The following EFHC1 variants were observed in gnomAD, a reference collection of about 807,000 sequenced individuals.
EFHC1 encodes the protein EF-hand domain-containing protein 1.
A neutral mutation model predicts 69.9 loss-of-function variants in EFHC1; 53 were observed. The observed-to-expected ratio is 0.76, with a 90% CI of 0.61 to 0.95. The LOEUF is 0.95. Among genes scored for constraint, EFHC1 ranks in the 40% least tolerant of loss-of-function variants. The pLI, the probability that EFHC1 is intolerant of heterozygous loss-of-function variation, is 0.00. For synonymous variants in EFHC1, 256 were observed against 278.4 expected (o/e 0.92, Z 0.80); for missense variants, 739 against 798.7 (o/e 0.93, Z 0.90).
intron 2 of EFHC1, among the ~76,000 whole-genome samples, chr6:52,425,951 C>G (rs1413575396): frequency 6.6e-6 from 1 of 152,134 alleles, no homozygotes; most frequent in East Asian, 1.9e-4. Flanking sequence ...TCATCTTTTC[C>G]CCTTGCTCCT....
intron 1 of EFHC1, chr6:52,421,133 T>G: frequency 1.2e-6 from 1 of 844,878 alleles, no homozygotes; most frequent in Non-Finnish European, 1.4e-6. Flanking sequence ...CTTCTACATT[T>G]TCCACAATTT....
At chr6:52,477,990 G>A (rs1765579682) in intron 7 of EFHC1, among the ~76,000 whole-genome samples, 2 of 151,904 alleles carry the variant, frequency 1.3e-5, no homozygotes. Context: ...TGTTTATTGC[G>A]GCATTATTCA....
chr6:52,469,304 CT>C (rs747718409), intron 6 of EFHC1, 28 bp from the exon 7 acceptor site: 392 of 1,613,350 alleles, frequency 2.4e-4, no homozygotes, highest in Non-Finnish European at 3.2e-4. Flanking sequence ...TAGTATCTGC[CT>C]TACTTCTTGC....
chr6:52,436,162 C>G (rs1488924418), intron 2 of EFHC1, among the ~76,000 whole-genome samples: 1 of 152,152 alleles, frequency 6.6e-6, no homozygotes, highest in Non-Finnish European at 1.5e-5. Flanking sequence ...CCTTTCAGTT[C>G]TTTGCAGTTG....
rs1370687396 is a variant in EFHC1 at position 52,495,004 on chromosome 6, T to G, written c.*2663T>G. The G allele has an allele frequency of 2.2e-6, 1 of 454,092 alleles. No homozygotes were observed. Among genetic ancestry groups the G allele is most frequent in the East Asian group, 6.9e-5 (1 of 14,390 alleles). 28.1% of individuals were successfully genotyped at this position (454,092 alleles called of 1,614,324 possible). ...TCAGAGCCCCGTTTTGGTGAGTTCT[T>G]AGAACTCTTTCCAACCGGAAACTGC... On this transcript the variant is annotated 3_prime_UTR_variant, in exon 11 of 11. Coordinates refer to ENST00000371068, the MANE Select transcript of EFHC1 (RefSeq NM_018100.4).
rs1418096647 is a variant in EFHC1 at position 52,494,737 on chromosome 6, A to G, written c.*2396A>G. 1 of 453,706 alleles carries G rather than the reference A, an allele frequency of 2.2e-6. No homozygotes were observed. Among genetic ancestry groups the G allele is most frequent in the African/African-American group, 2.0e-5 (1 of 49,916 alleles). 28.1% of individuals were successfully genotyped at this position (453,706 alleles called of 1,614,324 possible). ...GTAGTCCCCAGTGTCTATTGTTCCC[A>G]TCATTATGTCTATGTGTATTCAATG... is the stretch of plus-strand genomic sequence containing the variant. On this transcript the variant is annotated 3_prime_UTR_variant, in exon 11 of 11. Coordinates refer to ENST00000371068, the MANE Select transcript of EFHC1 (RefSeq NM_018100.4).
rs770015476 is a variant in EFHC1, at chr6:52,494,442, A to T, written c.*2101A>T. The T allele has an allele frequency of 1.1e-5, 5 of 454,064 alleles. No homozygotes were observed. The highest frequency in any genetic ancestry group is 7.8e-5 in the South Asian group (5 of 64,472). 28.1% of individuals were successfully genotyped at this position (454,064 alleles called of 1,614,324 possible). A position where few individuals can be genotyped will look rare whatever the true frequency, so the allele number is the denominator to read the frequency against. On this transcript the variant is annotated 3_prime_UTR_variant, in exon 11 of 11. Transcript: ENST00000371068. ...TCAGCCATGCTGCTGTTTCTAGCCCATGTAGGCTCTGGGAAAGGTTAAGCG... is the reference window on the plus strand; with the variant it reads ...TCAGCCATGCTGCTGTTTCTAGCCCTTGTAGGCTCTGGGAAAGGTTAAGCG...
chr6:52,473,477 C>T (rs1218784110), intron 7 of EFHC1, among the ~76,000 whole-genome samples: 1 of 151,934 alleles, frequency 6.6e-6, no homozygotes, highest in Admixed American at 6.6e-5. Flanking sequence ...AAAAACCAGT[C>T]ATGTTTTAAA....
chr6:52,436,604 A>G (rs1259914506), intron 2 of EFHC1, among the ~76,000 whole-genome samples: 1 of 152,162 alleles, frequency 6.6e-6, no homozygotes, highest in Non-Finnish European at 1.5e-5. Context: ...ATCCCAAAGC[A>G]TGTTAACATA....
At chr6:52,431,169 TG>T (rs1387888882) in intron 2 of EFHC1, among the ~76,000 whole-genome samples, 44 of 152,140 alleles carry the variant, frequency 2.9e-4, no homozygotes, top group African/African-American at 1.0e-3. Flanking sequence ...ATTTATCTTT[TG>T]TTTTTTTTGT....
Position 52,495,200 on chromosome 6 carries a change from G to A in EFHC1, c.*2859G>A, listed in dbSNP as rs1321643357. The A allele has an allele frequency of 6.6e-6, 3 of 454,112 alleles. No homozygotes were observed. In the Admixed American group the frequency reaches 7.0e-5, roughly 11 times the overall value. The allele number at this position is 454,112 out of a possible 1,614,324, so 28.1% of individuals were successfully genotyped here. A position where few individuals can be genotyped will look rare whatever the true frequency, so the allele number is the denominator to read the frequency against. On this transcript the variant is annotated 3_prime_UTR_variant, in exon 11 of 11. Coordinates refer to ENST00000371068, the MANE Select transcript of EFHC1 (RefSeq NM_018100.4). The stretch of plus-strand genomic sequence containing the variant: ...TCTCACCCAGATGGCTCTCTTGGCT[G>A]TGTAATTAGGCAGCTCAATCCCTTT...
At chr6:52,427,661 T>C (rs183376193) in intron 2 of EFHC1, among the ~76,000 whole-genome samples, 101 of 151,818 alleles carry the variant, frequency 6.7e-4, no homozygotes, top group Admixed American at 9.2e-4. Context: ...TAAGGACTTA[T>C]ATAGTTTATT....
At chr6:52,467,172 G>A (rs151097485) in intron 6 of EFHC1, among the ~76,000 whole-genome samples, 1,780 of 150,362 alleles carry the variant, frequency 0.012, 27 homozygotes, top group Non-Finnish European at 0.016. Flanking sequence ...CTTGGTGAAA[G>A]GACTTTGACT....
intron 3 of EFHC1, among the ~76,000 whole-genome samples, chr6:52,439,935 G>A (rs1415689127): frequency 6.6e-6 from 1 of 152,078 alleles, no homozygotes; most frequent in Non-Finnish European, 1.5e-5. Flanking sequence ...ATGATAAAAT[G>A]TTATCTAAAC....
At chr6:52,424,995 C>A (rs971662605) in intron 2 of EFHC1, among the ~76,000 whole-genome samples, 1 of 152,010 alleles carries the variant, frequency 6.6e-6, no homozygotes, top group Non-Finnish European at 1.5e-5. Flanking sequence ...TTTATTATTC[C>A]TGTTAAATGT....
intron 3 of EFHC1, among the ~76,000 whole-genome samples, chr6:52,448,840 C>A (rs1764851280): frequency 6.6e-6 from 1 of 152,108 alleles, no homozygotes; most frequent in South Asian, 2.1e-4. Flanking sequence ...TATGTTGAAC[C>A]AACTTTGCAT....
At position 52,492,487 on chromosome 6, in the gene EFHC1, TA is replaced by T. The variant is rs769261756; in HGVS notation, c.*149del. On this transcript the variant is annotated 3_prime_UTR_variant, in exon 11 of 11. Transcript: ENST00000371068. ...CTTTCACTCCTACTGAAGTCGAAAC[TA>T]AATTGGATCTAATAGGATCTAAGAT... 7.4e-6 allele frequency: 6 copies of T among 807,456 alleles called. No homozygotes were observed. In the South Asian group the frequency reaches 8.7e-5, roughly 12 times the overall value. The allele number at this position is 807,456 out of a possible 1,614,324, so 50.0% of individuals were successfully genotyped here.
intron 5 of EFHC1, among the ~76,000 whole-genome samples, chr6:52,464,369 A>T (rs1294145646): frequency 6.6e-6 from 1 of 152,176 alleles, no homozygotes; most frequent in African/African-American, 2.4e-5. Context: ...CATTTATATA[A>T]TTTTTTAGTG....
intron 7 of EFHC1, among the ~76,000 whole-genome samples, chr6:52,477,266 C>G (rs1010568544): frequency 3.9e-5 from 6 of 151,936 alleles, no homozygotes; most frequent in Admixed American, 3.3e-4. Context: ...GGTGTACAAT[C>G]CAAATGATTT....
Sources: gnomAD v4.1 joint callset for allele counts (sites outside exome capture counted in the v4.1 genomes callset) on GRCh38, gnomAD v4.1.1 for gene constraint, MANE v1.5 for transcripts, NCBI Gene and HGNC (gene_info 2026-07-23, HGNC 2026-07-21) for gene names.